The following RIMBP2 variants were observed in gnomAD, a reference collection of about 807,000 sequenced individuals.
RIMBP2 encodes the protein RIMS-binding protein 2.
A neutral mutation model predicts 118.6 loss-of-function variants in RIMBP2; 48 were observed. The observed-to-expected ratio is 0.40, with a 90% CI of 0.32 to 0.51. The LOEUF (loss-of-function observed/expected upper bound fraction) is 0.51. Among genes scored for constraint, RIMBP2 ranks in the 20% least tolerant of loss-of-function variants. The pLI is 0.41. For synonymous variants in RIMBP2, 762 were observed against 742.9 expected (o/e 1.03, Z -0.42); for missense variants, 1,551 against 1,768.3 (o/e 0.88, Z 2.20).
chr12:130,554,545 A>G (rs543224538), intron 2 of RIMBP2, among the ~76,000 whole-genome samples: 15 of 150,654 alleles, frequency 1.0e-4, no homozygotes, highest in African/African-American at 3.4e-4. Context: ...TAGGCTTACG[A>G]ATACAGACTA....
chr12:130,438,335 A>ACCGGGGGGGGCCCCCCCCCCCCC, intron 12 of RIMBP2, 30 bp downstream of exon 12: 2 of 865,014 alleles, frequency 2.3e-6, no homozygotes, highest in Non-Finnish European at 3.8e-6. Flanking sequence ...GGCCTAACAA[A>ACCGGGGGGGGCCCCCCCCCCCCC]CCCTCCCCAC....
At chr12:130,414,065 C>T (rs1020348422) in intron 18 of RIMBP2, 60 bp downstream of exon 18, 15 of 1,557,206 alleles carry the variant, frequency 9.6e-6, no homozygotes, top group Non-Finnish European at 1.2e-5. Flanking sequence ...AGTCTCTGCC[C>T]CCATGACCCA....
intron 6 of RIMBP2, among the ~76,000 whole-genome samples, chr12:130,459,135 G>A (rs561301208): frequency 2.6e-5 from 4 of 152,050 alleles, no homozygotes; most frequent in East Asian, 1.9e-4. Flanking sequence ...ACAGATCAGC[G>A]GTTGTCAGGG....
chr12:130,397,106 G>T lies in RIMBP2; in HGVS notation c.*255C>A, dbSNP rs2074125527. The T allele has an allele frequency of 3.6e-6, 1 of 279,510 alleles. No homozygotes were observed. Among genetic ancestry groups the T allele is most frequent in the East Asian group, 5.9e-5 (1 of 16,834 alleles). The allele number at this position is 279,510 out of a possible 1,614,324, so 17.3% of individuals were successfully genotyped here. On this transcript the variant is annotated 3_prime_UTR_variant, in exon 23 of 23. Coordinates refer to ENST00000690449, the MANE Select transcript of RIMBP2 (RefSeq NM_001393629.1). Reference sequence around the variant, plus strand: ...AGGTGATAGCTATGCGCCCCCGTTTGTTAATAAGACGTCCCCTCCCACCTC... The same window carrying T: ...AGGTGATAGCTATGCGCCCCCGTTTTTTAATAAGACGTCCCCTCCCACCTC...
intron 6 of RIMBP2, among the ~76,000 whole-genome samples, chr12:130,460,142 C>A (rs1279476576): frequency 6.6e-6 from 1 of 152,160 alleles, no homozygotes; most frequent in Non-Finnish European, 1.5e-5. Context: ...ACCCTGAGAC[C>A]CCTGCACAGG....
At chr12:130,479,163 G>GC in intron 4 of RIMBP2, 147 bp from the exon 5 acceptor site, 2 of 543,980 alleles carry the variant, frequency 3.7e-6, no homozygotes, top group Non-Finnish European at 6.4e-6. Flanking sequence ...CCTCCGTGCT[G>GC]CCAACAGGGC....
At chr12:130,587,839 AAAAG>A in intron 2 of RIMBP2, among the ~76,000 whole-genome samples, 1 of 150,648 alleles carries the variant, frequency 6.6e-6, no homozygotes, top group African/African-American at 2.4e-5. Flanking sequence ...TAAAAAAAAA[AAAAG>A]AAAAAAAAAA....
At chr12:130,460,017 T>G (rs1877974) in intron 6 of RIMBP2, among the ~76,000 whole-genome samples, 142,409 of 152,250 alleles carry the variant, frequency 0.94, 67,369 homozygotes, top group East Asian at 1. Flanking sequence ...GCGGGTAAAC[T>G]AATCTACGCA....
At chr12:130,663,100 G>A in intron 1 of RIMBP2, among the ~76,000 whole-genome samples, 1 of 152,302 alleles carries the variant, frequency 6.6e-6, no homozygotes, top group African/African-American at 2.4e-5. Context: ...CCTTCAACCA[G>A]CAGGTTCTGC....
chr12:130,504,453 AT>A (rs1206554366), intron 4 of RIMBP2, among the ~76,000 whole-genome samples: 1 of 152,178 alleles, frequency 6.6e-6, no homozygotes, highest in Non-Finnish European at 1.5e-5. Context: ...AAAAGAAAAA[AT>A]GCCACCAACT....
chr12:130,474,578 C>T (rs1213276556), intron 5 of RIMBP2, among the ~76,000 whole-genome samples: 1 of 152,216 alleles, frequency 6.6e-6, no homozygotes, highest in African/African-American at 2.4e-5. Flanking sequence ...GCGACATGCC[C>T]TCTGTCTGGG....
intron 1 of RIMBP2, among the ~76,000 whole-genome samples, chr12:130,709,730 C>G (rs533448058): frequency 2.3e-4 from 35 of 152,222 alleles, no homozygotes; most frequent in Non-Finnish European, 4.0e-4. Flanking sequence ...GGAAACCCCC[C>G]CCCTTCCCAC....
At chr12:130,480,945 T>C (rs2081947058) in intron 4 of RIMBP2, among the ~76,000 whole-genome samples, 1 of 152,232 alleles carries the variant, frequency 6.6e-6, no homozygotes, top group South Asian at 2.1e-4. Flanking sequence ...TAAAGGCCTG[T>C]AGCCTTCGCA....
At chr12:130,550,431 C>A (rs1190772319) in intron 2 of RIMBP2, among the ~76,000 whole-genome samples, 1 of 152,170 alleles carries the variant, frequency 6.6e-6, no homozygotes, top group Non-Finnish European at 1.5e-5. Context: ...AGGCTGAAAC[C>A]TTCAAAGTCA....
intron 13 of RIMBP2, among the ~76,000 whole-genome samples, chr12:130,435,171 G>A (rs1008017310): frequency 2.6e-5 from 4 of 151,684 alleles, no homozygotes; most frequent in East Asian, 1.9e-4. Flanking sequence ...ACAGCCTCCC[G>A]AGTAGCTGAG....
At chr12:130,562,526 G>A (rs780516167) in intron 2 of RIMBP2, among the ~76,000 whole-genome samples, 6 of 152,220 alleles carry the variant, frequency 3.9e-5, no homozygotes, top group Admixed American at 6.5e-5. Flanking sequence ...CCAAGGGAAG[G>A]AAGTACAGGA....
chr12:130,647,142 GA>G (rs2063021348), intron 1 of RIMBP2, among the ~76,000 whole-genome samples: 1 of 152,154 alleles, frequency 6.6e-6, no homozygotes, highest in Non-Finnish European at 1.5e-5. Context: ...ACTTGAGAAG[GA>G]AAAAGCTAAT....
At chr12:130,526,771 A>T (rs2052832767) in intron 2 of RIMBP2, among the ~76,000 whole-genome samples, 1 of 152,238 alleles carries the variant, frequency 6.6e-6, no homozygotes. Flanking sequence ...TATAAGAATG[A>T]TGTAATTATC....
Position 130,424,697 on chromosome 12 carries a change from C to T in RIMBP2, c.2574G>A (p.Arg858=). The change falls in exon 16 of 23, where the codon AGG becomes AGA. Residue 858 remains arginine (R), a synonymous_variant. Coordinates refer to ENST00000690449, the MANE Select transcript of RIMBP2 (RefSeq NM_001393629.1). The surrounding 1 kb of genome is among the most constrained non-coding windows in gnomAD (Gnocchi z 9.8). The part of the protein sequence containing the change: ...LHKQGAGPSP[R]ARTGLAREPR... ...GCTCTCTGGCCAGCCCCGTCCTGGCCCTGGGGGACGGCCCTGCACCCTGCT... is the reference window on the plus strand; with the variant it reads ...GCTCTCTGGCCAGCCCCGTCCTGGCTCTGGGGGACGGCCCTGCACCCTGCT... The T allele has an allele frequency of 3.2e-6, 4 of 1,232,188 alleles. No homozygotes were observed. The highest frequency in any genetic ancestry group is 4.0e-6 in the Non-Finnish European group (4 of 988,010). The allele number at this position is 1,232,188 out of a possible 1,614,324, so 76.3% of individuals were successfully genotyped here. A position where few individuals can be genotyped will look rare whatever the true frequency, so the allele number is the denominator to read the frequency against.
Sources: allele counts gnomAD v4.1 joint callset (sites outside exome capture counted in the v4.1 genomes callset), GRCh38; gene constraint gnomAD v4.1.1; non-coding constraint Gnocchi (gnomAD v3.1); transcripts MANE v1.5; gene names NCBI Gene and HGNC (gene_info 2026-07-23, HGNC 2026-07-21).